PGM5: variants seen among roughly 807,000 people sequenced by gnomAD.
The protein encoded by PGM5 is phosphoglucomutase-like protein 5.
PGM5 carries 23 observed loss-of-function variants against 59.2 expected under a neutral mutation model. That is an observed-to-expected ratio of 0.39 (90% CI 0.28 to 0.55). PGM5 has a LOEUF of 0.55. Among genes scored for constraint, PGM5 ranks in the 20% least tolerant of loss-of-function variants. PGM5 has a pLI of 0.66. For missense variants in PGM5, 574 were observed against 748.3 expected, an observed-to-expected ratio of 0.77 and a Z score of 2.72; for synonymous variants, 214 against 286.0, an observed-to-expected ratio of 0.75 and a Z score of 2.54.
intron 6 of PGM5, among the ~76,000 whole-genome samples, chr9:68,454,744 G>T (rs1443537205): frequency 6.6e-6 from 1 of 152,194 alleles, no homozygotes; most frequent in African/African-American, 2.4e-5. Context: ...ACTCTCCTCC[G>T]TGCTAAGACA....
intron 9 of PGM5, among the ~76,000 whole-genome samples, chr9:68,488,581 T>C (rs1360432014): frequency 6.6e-6 from 1 of 152,172 alleles, no homozygotes; most frequent in Admixed American, 6.5e-5. Flanking sequence ...GGGACCTCCC[T>C]GGCCTCAATG....
chr9:68,399,945 C>T (rs1822623865), intron 6 of PGM5, among the ~76,000 whole-genome samples: 1 of 152,050 alleles, frequency 6.6e-6, no homozygotes, highest in South Asian at 2.1e-4. Context: ...AATAATCCCT[C>T]ATTCCAGATG....
intron 6 of PGM5, chr9:68,400,802 T>TAA (rs1822648199): frequency 6.6e-6 from 1 of 152,564 alleles, no homozygotes; most frequent in African/African-American, 2.4e-5. Context: ...CAAATACAGC[T>TAA]TAATCAATGT....
intron 6 of PGM5, among the ~76,000 whole-genome samples, chr9:68,422,840 T>G (rs1002355785): frequency 2.0e-5 from 3 of 152,160 alleles, no homozygotes; most frequent in Non-Finnish European, 4.4e-5. Flanking sequence ...CAGTACACAG[T>G]GCATGCTATT....
intron 6 of PGM5, among the ~76,000 whole-genome samples, chr9:68,456,617 C>CT (rs1564010378): frequency 3.5e-5 from 5 of 143,924 alleles, no homozygotes; most frequent in African/African-American, 1.1e-4. Flanking sequence ...TGTGCCCTGT[C>CT]CTTTTTTTTT....
chr9:68,466,725 A>G (rs1554685857), intron 7 of PGM5, among the ~76,000 whole-genome samples: 2 of 152,182 alleles, frequency 1.3e-5, no homozygotes, highest in African/African-American at 4.8e-5. Flanking sequence ...CAGCAGTGGC[A>G]TATTTTTACT....
At chr9:68,413,456 A>G (rs1206273252) in intron 6 of PGM5, among the ~76,000 whole-genome samples, 1 of 152,186 alleles carries the variant, frequency 6.6e-6, no homozygotes, top group East Asian at 1.9e-4. Context: ...GAGATTATCC[A>G]CTACCCCTAA....
At position 68,491,410 on chromosome 9, in the gene PGM5, T is replaced by A. The variant is rs368285407; in HGVS notation, c.1479+7362T>A. Among the ~76,000 whole-genome samples, 4 of 152,318 alleles carry A rather than the reference T, an allele frequency of 2.6e-5. No individual in the cohort carries two copies. In the East Asian group the frequency reaches 5.8e-4, roughly 22 times the overall value. On this transcript the variant is annotated intron_variant, in intron 9 of 10. Coordinates refer to ENST00000396396, the MANE Select transcript of PGM5 (RefSeq NM_021965.4). ...TTTCTTCAGTCCAATGTGGTTGTTA[T>A]ATGGTTGTTTAGCTCTCCAGATAAA...
At chr9:68,381,645 C>T (rs1401597363) in intron 2 of PGM5, among the ~76,000 whole-genome samples, 1 of 150,314 alleles carries the variant, frequency 6.7e-6, no homozygotes, top group African/African-American at 2.5e-5. Flanking sequence ...CACATGCACA[C>T]ACACACACAC....
chr9:68,498,084 A>C (rs1195692239), intron 9 of PGM5: 1 of 152,256 alleles, frequency 6.6e-6, no homozygotes, highest in Non-Finnish European at 1.5e-5. Flanking sequence ...CAAACTCATT[A>C]AGCCACAGGG....
At chr9:68,495,944 G>T (rs1554688113) in intron 9 of PGM5, among the ~76,000 whole-genome samples, 3 of 152,144 alleles carry the variant, frequency 2.0e-5, no homozygotes. Flanking sequence ...TACCTTGGGG[G>T]CTAGATGGTC....
intron 6 of PGM5, among the ~76,000 whole-genome samples, chr9:68,406,786 TGTCATG>T (rs1326851777): frequency 2.8e-5 from 4 of 144,780 alleles, no homozygotes; most frequent in African/African-American, 1.0e-4. Flanking sequence ...TAGCTATTAT[TGTCATG>T]GCGATGGGGC....
At chr9:68,480,725 C>CA (rs1350951896) in intron 8 of PGM5, among the ~76,000 whole-genome samples, 42 of 149,914 alleles carry the variant, frequency 2.8e-4, no homozygotes, top group South Asian at 6.3e-4. Flanking sequence ...CAAAACAAAA[C>CA]AAAAAAACAG....
intron 9 of PGM5, among the ~76,000 whole-genome samples, chr9:68,486,476 T>C (rs1554687546): frequency 6.6e-6 from 1 of 152,208 alleles, no homozygotes; most frequent in Non-Finnish European, 1.5e-5. Context: ...CCCCTGATCT[T>C]TCTGTCTCTA....
At chr9:68,393,460 T>C (rs1207590586) in intron 6 of PGM5, among the ~76,000 whole-genome samples, 1 of 151,490 alleles carries the variant, frequency 6.6e-6, no homozygotes, top group African/African-American at 2.4e-5. Flanking sequence ...AATTAATAAA[T>C]TTTGGCCGGG....
chr9:68,427,286 C>G (rs1251770963), intron 6 of PGM5, among the ~76,000 whole-genome samples: 1 of 152,168 alleles, frequency 6.6e-6, no homozygotes, highest in Non-Finnish European at 1.5e-5. Context: ...TCATCTACCC[C>G]TTAATATCAG....
intron 6 of PGM5, among the ~76,000 whole-genome samples, chr9:68,424,612 T>A (rs1318129285): frequency 6.6e-6 from 1 of 152,196 alleles, no homozygotes; most frequent in African/African-American, 2.4e-5. Flanking sequence ...TAATGGGTGT[T>A]CTTAAACAAG....
At chr9:68,484,597 A>G (rs1172113243) in intron 9 of PGM5, among the ~76,000 whole-genome samples, 1 of 146,678 alleles carries the variant, frequency 6.8e-6, no homozygotes, top group Non-Finnish European at 1.5e-5. Flanking sequence ...CAAACAAAAA[A>G]CAAAAAAAAA....
intron 6 of PGM5, among the ~76,000 whole-genome samples, chr9:68,438,968 C>A (rs1158982789): frequency 6.6e-6 from 1 of 152,158 alleles, no homozygotes; most frequent in Non-Finnish European, 1.5e-5. Context: ...GGAGGAAAGC[C>A]TTCATTGCCA....
Sources: gnomAD v4.1 joint callset for allele counts (sites outside exome capture counted in the v4.1 genomes callset) on GRCh38, gnomAD v4.1.1 for gene constraint, MANE v1.5 for transcripts, NCBI Gene and HGNC (gene_info 2026-07-23, HGNC 2026-07-21) for gene names.